SYTL2: variants seen among roughly 807,000 people sequenced by gnomAD.
The protein encoded by SYTL2 is synaptotagmin like 2.
In SYTL2, 165 loss-of-function variants were observed where a neutral mutation model predicts 198.7. The ratio of observed to expected loss-of-function variants is 0.83; its 90% CI spans 0.73 to 0.94. The LOEUF is 0.94. Among genes scored for constraint, SYTL2 ranks in the 40% least tolerant of loss-of-function variants. The probability of loss-of-function intolerance (pLI) is 0.00; values close to 1 mark genes in which losing one functional copy is unlikely to be tolerated. For synonymous variants in SYTL2, 966 were observed against 917.7 expected (o/e 1.05, Z -0.95); for missense variants, 2,835 against 2,582.8 (o/e 1.10, Z -2.12).
chr11:85,742,026 G>A (rs1183437324), intron 4 of SYTL2, among the ~76,000 whole-genome samples: 1 of 152,076 alleles, frequency 6.6e-6, no homozygotes, highest in African/African-American at 2.4e-5. Flanking sequence ...CAATGCCATG[G>A]ACTGAAATAC....
At position 85,725,001 on chromosome 11, in the gene SYTL2, G is replaced by C; in HGVS notation, c.4357C>G (p.Gln1453Glu). 6.2e-7 allele frequency: 1 copy of C among 1,613,980 alleles called. No individual in the cohort carries two copies. Among genetic ancestry groups the C allele is most frequent in the Non-Finnish European group, 8.5e-7 (1 of 1,179,950 alleles). ...THEVGSYLAA[Q>E]MSPSDQTLSS... Reference sequence around the variant, plus strand: ...AGCGTCTGGTCTGATGGAGACATTTGGGCAGCTAAATAAGATCCAACTTCA... The same window carrying C: ...AGCGTCTGGTCTGATGGAGACATTTCGGCAGCTAAATAAGATCCAACTTCA... Residue 1453 changes from glutamine (Q) to glutamate (E), a missense_variant, in exon 8 of 20, where the codon CAA becomes GAA. By Grantham distance (29) the Gln-to-Glu change is conservative (BLOSUM62 2). Coordinates refer to ENST00000359152, the MANE Select transcript of SYTL2 (RefSeq NM_206927.4).
chr11:85,784,122 G>A (rs940179599), intron 1 of SYTL2, among the ~76,000 whole-genome samples: 2 of 152,136 alleles, frequency 1.3e-5, no homozygotes, highest in African/African-American at 4.8e-5. Context: ...CAAGGTAACT[G>A]GAAATTCATC....
rs1566026218 is a variant in SYTL2, at chr11:85,789,365, T to TATATATATAC, written c.-390+21588_-390+21589insGTATATATAT. ...GTATATATATATATATATATATATA[T>TATATATATAC]ATATATATATATGTATATATATATA... On this transcript the variant is annotated intron_variant, in intron 1 of 19. Transcript: ENST00000359152. 1.5e-3 allele frequency among the ~76,000 whole-genome samples: 97 copies of TATATATATAC among 62,654 alleles called. 1 individual carries two copies. The highest frequency in any genetic ancestry group is 6.2e-3 in the African/African-American group (95 of 15,398). The allele number at this position is 62,654 out of a possible 152,430, so 41.1% of individuals were successfully genotyped here. A position where few individuals can be genotyped will look rare whatever the true frequency, so the allele number is the denominator to read the frequency against.
intron 4 of SYTL2, among the ~76,000 whole-genome samples, chr11:85,744,683 C>T (rs1051826920): frequency 6.6e-6 from 1 of 152,186 alleles, no homozygotes; most frequent in African/African-American, 2.4e-5. Context: ...GGTGCCTCAG[C>T]CTTAGACCCT....
At chr11:85,804,467 T>C (rs934086025) in intron 1 of SYTL2, among the ~76,000 whole-genome samples, 2 of 152,204 alleles carry the variant, frequency 1.3e-5, no homozygotes, top group Non-Finnish European at 2.9e-5. Context: ...ATTGGCTGTG[T>C]CACCTTGGGC....
At chr11:85,721,132 T>G (rs2088253413) in intron 8 of SYTL2, among the ~76,000 whole-genome samples, 173 bp from the exon 9 acceptor site, 1 of 152,248 alleles carries the variant, frequency 6.6e-6, no homozygotes, top group Non-Finnish European at 1.5e-5. Flanking sequence ...TAATATGCTC[T>G]TAAACATAAT....
At chr11:85,848,883 C>T in the SYTL2 span, among the ~76,000 whole-genome samples, 3 of 151,324 alleles carry the variant, frequency 2.0e-5, no homozygotes, top group Non-Finnish European at 4.4e-5. Flanking sequence ...ATTAGGCAGA[C>T]GAAGTAAGAA....
the SYTL2 span, among the ~76,000 whole-genome samples, chr11:85,818,231 A>G: frequency 6.6e-6 from 1 of 152,050 alleles, no homozygotes; most frequent in East Asian, 1.9e-4. Context: ...CATACACTTC[A>G]AGGATGAAGT....
At chr11:85,814,281 A>T (rs1399471506), upstream of SYTL2, among the ~76,000 whole-genome samples, 1 of 152,172 alleles carries the variant, frequency 6.6e-6, no homozygotes, top group African/African-American at 2.4e-5. Flanking sequence ...CTCCTTCAAC[A>T]TCTACCTTGG....
At chr11:85,805,807 G>A (rs60389124) in intron 1 of SYTL2, among the ~76,000 whole-genome samples, 9,618 of 152,202 alleles carry the variant, frequency 0.063, 970 homozygotes, top group African/African-American at 0.21. Context: ...TGTTTGCTAC[G>A]TCTTATATCT....
intron 1 of SYTL2, among the ~76,000 whole-genome samples, chr11:85,806,149 G>A (rs1315204180): frequency 6.6e-6 from 1 of 152,194 alleles, no homozygotes; most frequent in Non-Finnish European, 1.5e-5. Flanking sequence ...CCCATTGAGT[G>A]CCAGGAACAG....
chr11:85,751,107 T>C (rs766031245), intron 2 of SYTL2, among the ~76,000 whole-genome samples: 6 of 152,178 alleles, frequency 3.9e-5, no homozygotes, highest in South Asian at 4.1e-4. Context: ...ATAGCCATTA[T>C]AGTAAGGAAA....
chr11:85,834,752 T>C, the SYTL2 span, among the ~76,000 whole-genome samples: 1 of 134,108 alleles, frequency 7.5e-6, no homozygotes, highest in Admixed American at 7.2e-5. Flanking sequence ...TTAAATGCTT[T>C]TCTTTTTCTT....
At chr11:85,765,710 T>C (rs2092222339) in intron 1 of SYTL2, among the ~76,000 whole-genome samples, 1 of 152,170 alleles carries the variant, frequency 6.6e-6, no homozygotes, top group Admixed American at 6.5e-5. Flanking sequence ...ACTGGCTTGG[T>C]GGTCTCAAAT....
chr11:85,726,697 T>C lies in SYTL2; in HGVS notation c.2661A>G (p.Pro887=). The C allele has an allele frequency of 6.5e-7, 1 of 1,536,376 alleles. No individual in the cohort carries two copies. Among genetic ancestry groups the C allele is most frequent in the Non-Finnish European group, 8.7e-7 (1 of 1,146,954 alleles). The stretch of plus-strand genomic sequence containing the variant: ...GCTCAGCTGAAAGATAGTATCTGGA[T>C]GGACCTGCTATTTGTGGCTTGGTCT... ...SKETKPQIAG[P]SRYYLSAEQS... The change falls in exon 8 of 20, where the codon CCA becomes CCG. Residue 887 remains proline, a synonymous_variant. Coordinates refer to ENST00000359152, the MANE Select transcript of SYTL2 (RefSeq NM_206927.4).
chr11:85,840,365 G>A, the SYTL2 span, among the ~76,000 whole-genome samples: 2 of 152,130 alleles, frequency 1.3e-5, no homozygotes, highest in African/African-American at 4.8e-5. Flanking sequence ...GCATTGCCCA[G>A]TCCAATGTTC....
chr11:85,737,539 C>T (rs1194256484), intron 5 of SYTL2, 36 bp downstream of exon 5: 1 of 1,546,922 alleles, frequency 6.5e-7, no homozygotes. Flanking sequence ...GCATTCCTAA[C>T]AAATACAAGA....
At chr11:85,835,024 T>G in the SYTL2 span, among the ~76,000 whole-genome samples, 3 of 152,182 alleles carry the variant, frequency 2.0e-5, no homozygotes, top group Non-Finnish European at 4.4e-5. Flanking sequence ...CCTTACAAAG[T>G]GCTGGGATTA....
At chr11:85,813,689 C>T (rs929772248), upstream of SYTL2, among the ~76,000 whole-genome samples, 7 of 145,298 alleles carry the variant, frequency 4.8e-5, no homozygotes, top group South Asian at 9.7e-4. Context: ...TTAGACAAGT[C>T]TCCTCCCTCC....
Sources: gnomAD v4.1 joint callset for allele counts (sites outside exome capture counted in the v4.1 genomes callset) on GRCh38, gnomAD v4.1.1 for gene constraint, MANE v1.5 for transcripts, NCBI Gene and HGNC (gene_info 2026-07-23, HGNC 2026-07-21) for gene names.